The following GPR85 variants were observed in gnomAD, a reference collection of about 807,000 sequenced individuals.
The protein encoded by GPR85 is G protein-coupled receptor 85.
GPR85 carries 7 observed loss-of-function variants against 21.3 expected under a neutral mutation model. That is an observed-to-expected ratio of 0.33 (90% CI 0.19 to 0.62). The LOEUF (loss-of-function observed/expected upper bound fraction) is 0.62, where lower values mean the gene tolerates loss of function less well. Among genes scored for constraint, GPR85 ranks in the 20% least tolerant of loss-of-function variants. The pLI is 0.80. For synonymous variants in GPR85, 167 were observed against 166.1 expected (o/e 1.01, Z -0.04); for missense variants, 299 against 443.8 (o/e 0.67, Z 2.93).
chr7:113,085,191 A>G (rs1208372761), intron 2 of GPR85, among the ~76,000 whole-genome samples: 1 of 152,186 alleles, frequency 6.6e-6, no homozygotes, highest in Non-Finnish European at 1.5e-5. Flanking sequence ...GGAATTAACC[A>G]CTAGAATTGC....
intron 2 of GPR85, 55 bp from the exon 3 acceptor site, chr7:113,084,946 T>G: frequency 4.2e-6 from 2 of 474,138 alleles, no homozygotes; most frequent in South Asian, 8.5e-5. Flanking sequence ...AGCAATGATG[T>G]CAGACAGTGC....
At chr7:113,086,195 GAGACACACAC>G (rs1401066174) in intron 1 of GPR85, 86 bp from the exon 2 acceptor site, 3,216 of 28,370 alleles carry the variant, frequency 0.11, 140 homozygotes, top group African/African-American at 0.23. Context: ...CACACACACA[GAGACACACAC>G]ACACACACAC....
rs1794283303 is a variant in GPR85, at chr7:113,086,396, C to CTTTTTTTTTTTTTTTTCTTTTTTTTTT, written c.-364_-363insAAAAAAAAAAGAAAAAAAAAAAAAAAA. On this transcript the variant is annotated 5_prime_UTR_variant, in exon 1 of 3. Coordinates refer to ENST00000424100, the MANE Select transcript of GPR85 (RefSeq NM_001146267.2). ...CTGATTTTTTTCTTTTTTTCTTTTT[C>CTTTTTTTTTTTTTTTTCTTTTTTTTTT]TTTTTTTTTTTTTTTTTTTTGTTTT... 2.1e-5 allele frequency: 1 copy of CTTTTTTTTTTTTTTTTCTTTTTTTTTT among 48,066 alleles called. No homozygotes were observed. The highest frequency in any genetic ancestry group is 3.6e-5 in the Non-Finnish European group (1 of 28,132). 3.0% of individuals were successfully genotyped at this position (48,066 alleles called of 1,614,324 possible). A position where few individuals can be genotyped will look rare whatever the true frequency, so the allele number is the denominator to read the frequency against.
chr7:113,083,606 C>A lies in GPR85; in HGVS notation c.*3G>T. Reference sequence around the variant, plus strand: ...ACAAGGCTAAAGATTTACAGATGCTCCCTCATATAACACAGTAAGGTTCCC... The same window carrying A: ...ACAAGGCTAAAGATTTACAGATGCTACCTCATATAACACAGTAAGGTTCCC... On this transcript the variant is annotated 3_prime_UTR_variant, in exon 3 of 3. Coordinates refer to ENST00000424100, the MANE Select transcript of GPR85 (RefSeq NM_001146267.2). This position sits in a 1 kb window ranked among gnomAD's most constrained non-coding sequence, Gnocchi z 4.4. 1 of 1,607,184 alleles carries A rather than the reference C, an allele frequency of 6.2e-7. No individual in the cohort carries two copies. Among genetic ancestry groups the A allele is most frequent in the Non-Finnish European group, 8.5e-7 (1 of 1,176,578 alleles).
Position 113,083,585 on chromosome 7 carries a change from G to T in GPR85, c.*24C>A. 1.3e-6 allele frequency: 2 copies of T among 1,586,936 alleles called. No individual in the cohort carries two copies. Among genetic ancestry groups the T allele is most frequent in the South Asian group, 1.2e-5 (1 of 85,820 alleles). On this transcript the variant is annotated 3_prime_UTR_variant, in exon 3 of 3. Coordinates refer to ENST00000424100, the MANE Select transcript of GPR85 (RefSeq NM_001146267.2). This position sits in a 1 kb window ranked among gnomAD's most constrained non-coding sequence, Gnocchi z 4.4. ...CAGCAGAGAAGGTTAGTTTTCACAA[G>T]GCTAAAGATTTACAGATGCTCCCTC...
intron 2 of GPR85, among the ~76,000 whole-genome samples, chr7:113,085,177 T>C (rs1794242004): frequency 6.6e-6 from 1 of 152,174 alleles, no homozygotes; most frequent in Non-Finnish European, 1.5e-5. Context: ...AATATGCCAG[T>C]CCAGGAATTA....
upstream of GPR85, among the ~76,000 whole-genome samples, chr7:113,087,123 T>TTAG (rs1394487482): frequency 1.3e-5 from 2 of 152,228 alleles, no homozygotes; most frequent in South Asian, 2.1e-4. Context: ...TCTCTCTTTG[T>TTAG]TAGTCATCTT....
Position 113,083,776 on chromosome 7 carries a change from C to T in GPR85, c.946G>A (p.Val316Ile). 6.2e-7 allele frequency: 1 copy of T among 1,614,268 alleles called. No individual in the cohort carries two copies. Among genetic ancestry groups the T allele is most frequent in the Non-Finnish European group, 8.5e-7 (1 of 1,180,042 alleles). ...GCAGCTGTTAGAAATCCCCCTGGTA[C>T]TACAGGCCCTCTTGCAAAAACTCTC... ...YWRVFARGPV[V>I]PGGFLTAAVW... Residue 316 changes from valine (V) to isoleucine (I), a missense_variant, in exon 3 of 3, where the codon GTA becomes ATA. Coordinates refer to ENST00000424100, the MANE Select transcript of GPR85 (RefSeq NM_001146267.2). The surrounding 1 kb of genome is among the most constrained non-coding windows in gnomAD (Gnocchi z 4.4).
rs1335372803 is a variant in GPR85, at chr7:113,086,778, T to G, written c.-745A>C. 6.6e-6 allele frequency among the ~76,000 whole-genome samples: 1 copy of G among 152,130 alleles called. No individual in the cohort carries two copies. The highest frequency in any genetic ancestry group is 1.5e-5 in the Non-Finnish European group (1 of 68,018). ...TGTAGTGGGGGGCTGGAAAGGCCCT[T>G]TCAGGACCTCAGGCCCATCCTCTTC... On this transcript the variant is annotated 5_prime_UTR_variant, in exon 1 of 3. Coordinates refer to ENST00000424100, the MANE Select transcript of GPR85 (RefSeq NM_001146267.2).
Position 113,083,587 on chromosome 7 carries a change from C to A in GPR85, c.*22G>T. 1 of 1,591,228 alleles carries A rather than the reference C, an allele frequency of 6.3e-7. No homozygotes were observed. The highest frequency in any genetic ancestry group is 1.2e-5 in the South Asian group (1 of 86,436). ...GCAGAGAAGGTTAGTTTTCACAAGG[C>A]TAAAGATTTACAGATGCTCCCTCAT... On this transcript the variant is annotated 3_prime_UTR_variant, in exon 3 of 3. Transcript: ENST00000424100. This position sits in a 1 kb window ranked among gnomAD's most constrained non-coding sequence, Gnocchi z 4.4.
chr7:113,086,474 A>C lies in GPR85; in HGVS notation c.-441T>G, dbSNP rs1794307165. The C allele has an allele frequency of 9.4e-6, 1 of 106,082 alleles. No individual in the cohort carries two copies. The highest frequency in any genetic ancestry group is 3.7e-5 in the African/African-American group (1 of 27,078). The allele number at this position is 106,082 out of a possible 1,614,324, so 6.6% of individuals were successfully genotyped here. A position where few individuals can be genotyped will look rare whatever the true frequency, so the allele number is the denominator to read the frequency against. ...TAGTGCCTTGACTGAGCATCCAGGC[A>C]GGGCTCGGCGGCGCCTGCGCGCTGG... is the stretch of plus-strand genomic sequence containing the variant. On this transcript the variant is annotated 5_prime_UTR_variant, in exon 1 of 3. Coordinates refer to ENST00000424100, the MANE Select transcript of GPR85 (RefSeq NM_001146267.2).
At position 113,084,428 on chromosome 7, in the gene GPR85, G is replaced by C. The variant is rs1250846920; in HGVS notation, c.294C>G (p.Ala98=). 1 of 1,613,986 alleles carries C rather than the reference G, an allele frequency of 6.2e-7. No homozygotes were observed. The highest frequency in any genetic ancestry group is 1.1e-5 in the South Asian group (1 of 91,076). ...GGAAACAGGACAAAACCCCCAGAAA[G>C]GCAATCACTTTGCAAGTCAGAGTCC... is the stretch of plus-strand genomic sequence containing the variant. ...TYGTLTCKVI[A]FLGVLSCFHT... The change falls in exon 3 of 3, where the codon GCC becomes GCG. Residue 98 remains alanine, a synonymous_variant. Coordinates refer to ENST00000424100, the MANE Select transcript of GPR85 (RefSeq NM_001146267.2).
intron 2 of GPR85, among the ~76,000 whole-genome samples, chr7:113,085,457 A>C (rs1028482335): frequency 1.3e-5 from 2 of 152,176 alleles, no homozygotes; most frequent in Non-Finnish European, 2.9e-5. Context: ...TGATTTAATC[A>C]TTTGTCTTTC....
At chr7:113,087,136 A>G (rs956538688), upstream of GPR85, among the ~76,000 whole-genome samples, 1 of 152,214 alleles carries the variant, frequency 6.6e-6, no homozygotes, top group Non-Finnish European at 1.5e-5. Flanking sequence ...GTCATCTTCT[A>G]TTCTCCAATG....
At chr7:113,086,863 C>G (rs958669763), upstream of GPR85, among the ~76,000 whole-genome samples, 1 of 151,002 alleles carries the variant, frequency 6.6e-6, no homozygotes, top group African/African-American at 2.4e-5. Flanking sequence ...CCCTCAGCTT[C>G]CCGGAACCCT....
In GPR85 at chr7:113,086,432, T is replaced by TTTTTTTTTTTTTTTTTTC. The variant is rs1794303635; in HGVS notation, c.-400_-399insGAAAAAAAAAAAAAAAAA. 1 of 115,338 alleles carries TTTTTTTTTTTTTTTTTTC rather than the reference T, an allele frequency of 8.7e-6. No homozygotes were observed. The highest frequency in any genetic ancestry group is 3.2e-4 in the South Asian group (1 of 3,168). 7.1% of individuals were successfully genotyped at this position (115,338 alleles called of 1,614,324 possible). A position where few individuals can be genotyped will look rare whatever the true frequency, so the allele number is the denominator to read the frequency against. On this transcript the variant is annotated 5_prime_UTR_variant, in exon 1 of 3. Transcript: ENST00000424100. ...TTTTTTTTTTGTTTTTTGTTTTTTT[T>TTTTTTTTTTTTTTTTTTC]TTTTTTTTTTTTGCCTTAGTGCCTT...
rs1317636053 is a variant in GPR85 at position 113,082,463 on chromosome 7, G to T, written c.*1146C>A. On this transcript the variant is annotated 3_prime_UTR_variant, in exon 3 of 3. Coordinates refer to ENST00000424100, the MANE Select transcript of GPR85 (RefSeq NM_001146267.2). Reference sequence around the variant, plus strand: ...GTGCAGAAAGTATAAACAAGACTGTGCCTTCAGTAGAATAAATGCTTCACA... The same window carrying T: ...GTGCAGAAAGTATAAACAAGACTGTTCCTTCAGTAGAATAAATGCTTCACA... 1 of 152,538 alleles carries T rather than the reference G, an allele frequency of 6.6e-6. No homozygotes were observed. Among genetic ancestry groups the T allele is most frequent in the Non-Finnish European group, 1.5e-5 (1 of 68,010 alleles). The allele number at this position is 152,538 out of a possible 1,614,324, so 9.4% of individuals were successfully genotyped here.
Position 113,083,599 on chromosome 7 carries a change from A to T in GPR85, c.*10T>A, listed in dbSNP as rs1471796017. On this transcript the variant is annotated 3_prime_UTR_variant, in exon 3 of 3. Coordinates refer to ENST00000424100, the MANE Select transcript of GPR85 (RefSeq NM_001146267.2). This position sits in a 1 kb window ranked among gnomAD's most constrained non-coding sequence, Gnocchi z 4.4. ...AGTTTTCACAAGGCTAAAGATTTAC[A>T]GATGCTCCCTCATATAACACAGTAA... The T allele has an allele frequency of 6.2e-7, 1 of 1,601,954 alleles. No individual in the cohort carries two copies. The highest frequency in any genetic ancestry group is 8.5e-7 in the Non-Finnish European group (1 of 1,174,050).
rs1794299577 is a variant in GPR85, at chr7:113,086,427, T to TG, written c.-395_-394insC. On this transcript the variant is annotated 5_prime_UTR_variant, in exon 1 of 3. It introduces an in-frame stop codon into an upstream open reading frame of the 5' UTR. Transcript: ENST00000424100. ...TTTTTTTTTTTTTTTGTTTTTTGTT[T>TG]TTTTTTTTTTTTTTTTTGCCTTAGT... 9.7e-6 allele frequency: 1 copy of TG among 102,598 alleles called. No homozygotes were observed. The highest frequency in any genetic ancestry group is 9.4e-5 in the Admixed American group (1 of 10,602). 6.4% of individuals were successfully genotyped at this position (102,598 alleles called of 1,614,324 possible). A position where few individuals can be genotyped will look rare whatever the true frequency, so the allele number is the denominator to read the frequency against.
Sources: allele counts gnomAD v4.1 joint callset (sites outside exome capture counted in the v4.1 genomes callset), GRCh38; gene constraint gnomAD v4.1.1; non-coding constraint Gnocchi (gnomAD v3.1); transcripts MANE v1.5; gene names NCBI Gene and HGNC (gene_info 2026-07-23, HGNC 2026-07-21).